STIL: variants seen among roughly 807,000 people sequenced by gnomAD.
STIL encodes STIL centriolar assembly protein.
A neutral mutation model predicts 110.1 loss-of-function variants in STIL; 55 were observed. The ratio of observed to expected loss-of-function variants is 0.50; its 90% CI spans 0.40 to 0.63. The LOEUF (loss-of-function observed/expected upper bound fraction) is 0.63, where lower values mean the gene tolerates loss of function less well. Among genes scored for constraint, STIL ranks in the 20% least tolerant of loss-of-function variants. STIL has a pLI of 0.00. For synonymous variants in STIL, 481 were observed against 530.0 expected (o/e 0.91, Z 1.27); for missense variants, 1,358 against 1,530.0 (o/e 0.89, Z 1.87).
intron 12 of STIL, among the ~76,000 whole-genome samples, chr1:47,272,505 G>A (rs1039688797): frequency 6.6e-6 from 1 of 150,406 alleles, no homozygotes; most frequent in Non-Finnish European, 1.5e-5. Flanking sequence ...TCACCCAGCC[G>A]TGGTGCAATC....
chr1:47,273,383 C>G (rs181353368), intron 12 of STIL, among the ~76,000 whole-genome samples: 43 of 152,284 alleles, frequency 2.8e-4, no homozygotes, highest in Admixed American at 2.8e-3. Flanking sequence ...CTCCGGAGCC[C>G]CTGACGGTCT....
At chr1:47,308,196 C>T (rs548845546) in intron 2 of STIL, among the ~76,000 whole-genome samples, 1 of 152,216 alleles carries the variant, frequency 6.6e-6, no homozygotes, top group South Asian at 2.1e-4. Context: ...TTGAAACTCC[C>T]TAATAAAAAC....
chr1:47,297,406 C>A (rs1052295427), intron 6 of STIL, among the ~76,000 whole-genome samples: 4 of 152,096 alleles, frequency 2.6e-5, no homozygotes, highest in South Asian at 2.1e-4. Flanking sequence ...GGACATCCCT[C>A]CCCCTACTTT....
chr1:47,250,884 T>C lies in STIL; in HGVS notation c.*252A>G, dbSNP rs765271015. On this transcript the variant is annotated 3_prime_UTR_variant, in exon 17 of 17. Coordinates refer to ENST00000371877, the MANE Select transcript of STIL (RefSeq NM_001048166.1). ...AGCTGGATAGTATCTGTCTACTACTTAAACTTGTAGGAATAACTGATCTCA... is the reference window on the plus strand; with the variant it reads ...AGCTGGATAGTATCTGTCTACTACTCAAACTTGTAGGAATAACTGATCTCA... 1.1e-5 allele frequency: 5 copies of C among 473,362 alleles called. No homozygotes were observed. Among genetic ancestry groups the C allele is most frequent in the Non-Finnish European group, 1.5e-5 (4 of 266,866 alleles). The allele number at this position is 473,362 out of a possible 1,614,324, so 29.3% of individuals were successfully genotyped here.
intron 16 of STIL, among the ~76,000 whole-genome samples, chr1:47,257,235 C>T (rs1644355068): frequency 6.6e-6 from 1 of 152,152 alleles, no homozygotes; most frequent in African/African-American, 2.4e-5. Flanking sequence ...TCAGGTAGGC[C>T]TCAGATAGGC....
chr1:47,312,061 AG>A (rs762532759), intron 1 of STIL, among the ~76,000 whole-genome samples: 17 of 151,884 alleles, frequency 1.1e-4, no homozygotes, highest in Middle Eastern at 3.2e-3. Context: ...GTGTGAAGCA[AG>A]ATAAAGGAGA....
In STIL at chr1:47,301,761, A is replaced by C; in HGVS notation, c.266-13T>G. 6.2e-7 allele frequency: 1 copy of C among 1,612,658 alleles called. No individual in the cohort carries two copies. The highest frequency in any genetic ancestry group is 8.5e-7 in the Non-Finnish European group (1 of 1,179,200). ...ACACCTTCTTCATCTGTAGAACAAA[A>C]ATAACAGCTATTATACAGCATACTA... is the stretch of plus-strand genomic sequence containing the variant. On this transcript the variant is annotated splice_polypyrimidine_tract_variant and intron_variant, in intron 4 of 16. Coordinates refer to ENST00000371877, the MANE Select transcript of STIL (RefSeq NM_001048166.1).
At chr1:47,294,697 C>T (rs1645591928) in intron 7 of STIL, among the ~76,000 whole-genome samples, 1 of 152,016 alleles carries the variant, frequency 6.6e-6, no homozygotes, top group South Asian at 2.1e-4. Context: ...AACATGTATA[C>T]ATATATAAAA....
chr1:47,264,505 A>T (rs926799399), intron 14 of STIL, among the ~76,000 whole-genome samples: 2 of 152,378 alleles, frequency 1.3e-5, no homozygotes, highest in East Asian at 3.9e-4. Context: ...GGATCATTTT[A>T]AAAGAAAGTC....
intron 10 of STIL, among the ~76,000 whole-genome samples, chr1:47,286,260 C>T (rs1645295596): frequency 7.1e-6 from 1 of 140,596 alleles, no homozygotes; most frequent in African/African-American, 2.5e-5. Context: ...ATCTGCCTGC[C>T]CCCCACCACT....
intron 12 of STIL, among the ~76,000 whole-genome samples, chr1:47,279,649 A>C (rs1287843383): frequency 1.3e-5 from 2 of 150,976 alleles, no homozygotes; most frequent in Non-Finnish European, 2.9e-5. Context: ...AGATCACTTG[A>C]ACTTGGGAGG....
rs1035139932 is a variant in STIL at position 47,280,688 on chromosome 1, A to C, written c.1770T>G (p.Pro590=). Residue 590 remains proline, a synonymous_variant, in exon 12 of 17, where the codon CCT becomes CCG. Transcript: ENST00000371877. The part of the protein sequence containing the change: ...NSGRPMELQI[P]TPPLPSYCST... ...AACAGTAAGATGGCAGTGGGGGAGTAGGTATCTGAAGTTCCATTGGTCTTC... is the reference window on the plus strand; with the variant it reads ...AACAGTAAGATGGCAGTGGGGGAGTCGGTATCTGAAGTTCCATTGGTCTTC... The C allele has an allele frequency of 1.1e-5, 17 of 1,614,132 alleles. No homozygotes were observed. Among genetic ancestry groups the C allele is most frequent in the Non-Finnish European group, 1.4e-5 (17 of 1,180,056 alleles).
At chr1:47,310,204 T>A (rs895268580) in intron 2 of STIL, 72 bp downstream of exon 2, 8 of 1,461,394 alleles carry the variant, frequency 5.5e-6, no homozygotes, top group Non-Finnish European at 7.6e-6. Flanking sequence ...ATATTCTTTT[T>A]TCTCTTCCAA....
intron 12 of STIL, among the ~76,000 whole-genome samples, chr1:47,276,784 A>T (rs1445146048): frequency 7.3e-6 from 1 of 137,432 alleles, no homozygotes; most frequent in African/African-American, 2.7e-5. Context: ...ATTTCACTCT[A>T]GCCTGGGTGA....
chr1:47,296,090 A>C (rs1017226608), intron 6 of STIL, among the ~76,000 whole-genome samples: 8 of 152,252 alleles, frequency 5.3e-5, no homozygotes, highest in African/African-American at 1.7e-4. Context: ...ATTGAAGATT[A>C]TACACCTTTT....
intron 16 of STIL, among the ~76,000 whole-genome samples, chr1:47,256,150 T>A (rs2148670163): frequency 6.6e-6 from 1 of 152,264 alleles, no homozygotes; most frequent in South Asian, 2.1e-4. Context: ...TACCTACACA[T>A]GTTAAAAAGT....
At chr1:47,313,473 C>T (rs1646197276) in intron 1 of STIL, among the ~76,000 whole-genome samples, 1 of 152,130 alleles carries the variant, frequency 6.6e-6, no homozygotes, top group South Asian at 2.1e-4. Context: ...AACTGAACTA[C>T]TTGCAGTGCC....
At chr1:47,288,074 A>T (rs889581532) in intron 9 of STIL, among the ~76,000 whole-genome samples, 29 of 148,186 alleles carry the variant, frequency 2.0e-4, no homozygotes, top group African/African-American at 6.6e-4. Flanking sequence ...TTATAATATT[A>T]AAATATATAT....
intron 6 of STIL, among the ~76,000 whole-genome samples, chr1:47,299,503 C>T (rs1390428215): frequency 6.6e-6 from 1 of 151,732 alleles, no homozygotes; most frequent in East Asian, 2.0e-4. Flanking sequence ...AGTGATCCTC[C>T]TGCCTCAACC....
Sources: allele counts gnomAD v4.1 joint callset (sites outside exome capture counted in the v4.1 genomes callset), GRCh38; gene constraint gnomAD v4.1.1; transcripts MANE v1.5; gene names NCBI Gene and HGNC (gene_info 2026-07-23, HGNC 2026-07-21).